Variants in ASTN1 observed in about 807,000 individuals in gnomAD.
The protein encoded by ASTN1 is astrotactin-1.
A neutral mutation model predicts 140.7 loss-of-function variants in ASTN1; 41 were observed. The observed-to-expected ratio is 0.29, with a 90% CI of 0.23 to 0.38. ASTN1 has a LOEUF of 0.38. Among genes scored for constraint, ASTN1 ranks in the 10% least tolerant of loss-of-function variants. The pLI is 1.00. For synonymous variants in ASTN1, 640 were observed against 652.2 expected (o/e 0.98, Z 0.29); for missense variants, 1,479 against 1,678.8 (o/e 0.88, Z 2.08).
intron 1 of ASTN1, among the ~76,000 whole-genome samples, chr1:177,071,310 G>A (rs1678624570): frequency 6.6e-6 from 1 of 152,204 alleles, no homozygotes; most frequent in African/African-American, 2.4e-5. Flanking sequence ...CACTTAGCAA[G>A]GCACTCATGA....
intron 17 of ASTN1, 152 bp from the exon 18 acceptor site, chr1:176,888,356 C>T (rs1669126906): frequency 3.1e-6 from 3 of 965,188 alleles, no homozygotes; most frequent in Non-Finnish European, 4.6e-6. Flanking sequence ...AATTCTGATT[C>T]CAGGAGATTG....
chr1:176,957,212 T>C (rs566870459), intron 11 of ASTN1, among the ~76,000 whole-genome samples: 2 of 152,166 alleles, frequency 1.3e-5, no homozygotes, highest in Non-Finnish European at 2.9e-5. Flanking sequence ...ACAGAGTCCA[T>C]AGGGCTGATA....
intron 19 of ASTN1, among the ~76,000 whole-genome samples, chr1:176,883,606 A>C (rs1668903286): frequency 6.6e-6 from 1 of 152,174 alleles, no homozygotes; most frequent in South Asian, 2.1e-4. Flanking sequence ...CCTTGGAAGA[A>C]GCGGTAGGCA....
At chr1:176,894,175 A>C (rs1669390705) in intron 17 of ASTN1, among the ~76,000 whole-genome samples, 1 of 151,986 alleles carries the variant, frequency 6.6e-6, no homozygotes, top group African/African-American at 2.4e-5. Flanking sequence ...TCAGCGAGGG[A>C]AGCTGGCCCA....
chr1:176,990,952 T>G (rs1674129802), intron 8 of ASTN1, among the ~76,000 whole-genome samples: 1 of 152,248 alleles, frequency 6.6e-6, no homozygotes, highest in African/African-American at 2.4e-5. Context: ...CACATCTCAT[T>G]TAAGTATGTT....
intron 16 of ASTN1, among the ~76,000 whole-genome samples, chr1:176,901,434 G>T (rs777555141): frequency 1.5e-4 from 23 of 152,118 alleles, no homozygotes; most frequent in Non-Finnish European, 3.1e-4. Context: ...GGGTATATCT[G>T]GTGTCCTGGG....
chr1:177,022,031 C>T lies in ASTN1; in HGVS notation c.1438+1373G>A, dbSNP rs148847294. ...GATGTTTAAAATGTTGTACTTTCTCCTCCATATGGGGGCCTAGAATCTCTG... is the reference window on the plus strand; with the variant it reads ...GATGTTTAAAATGTTGTACTTTCTCTTCCATATGGGGGCCTAGAATCTCTG... On this transcript the variant is annotated intron_variant, in intron 7 of 22. Coordinates refer to ENST00000361833, the MANE Select transcript of ASTN1 (RefSeq NM_004319.3). Among the ~76,000 whole-genome samples, 311 of 152,308 alleles carry T rather than the reference C, an allele frequency of 2.0e-3. 2 individuals carry two copies. The highest frequency in any genetic ancestry group is 6.9e-3 in the African/African-American group (287 of 41,566).
chr1:177,155,565 C>T (rs926488536), intron 1 of ASTN1, among the ~76,000 whole-genome samples: 1 of 152,120 alleles, frequency 6.6e-6, no homozygotes, highest in Non-Finnish European at 1.5e-5. Context: ...TAAAGTTGTT[C>T]CCCATGGTGG....
At chr1:177,003,178 A>G (rs1374496557) in intron 8 of ASTN1, among the ~76,000 whole-genome samples, 2 of 152,100 alleles carry the variant, frequency 1.3e-5, no homozygotes, top group African/African-American at 4.8e-5. Flanking sequence ...AGGAAGGGAC[A>G]TAACACACAC....
intron 16 of ASTN1, among the ~76,000 whole-genome samples, chr1:176,929,282 T>G (rs1218665609): frequency 6.6e-6 from 1 of 152,224 alleles, no homozygotes; most frequent in Non-Finnish European, 1.5e-5. Context: ...TCTTGAATTA[T>G]CTGGGTGGAC....
chr1:177,012,894 T>C (rs904493055), intron 8 of ASTN1, among the ~76,000 whole-genome samples: 3 of 152,180 alleles, frequency 2.0e-5, no homozygotes, highest in Admixed American at 6.5e-5. Context: ...GAGACAGAGA[T>C]TGGTTATCCA....
intron 7 of ASTN1, 106 bp from the exon 8 acceptor site, chr1:177,014,981 G>C (rs1675476277): frequency 1.0e-6 from 1 of 984,822 alleles, no homozygotes; most frequent in Admixed American, 2.0e-5. Context: ...CTCTTACTCT[G>C]ATATTAGCAT....
chr1:177,030,660 G>A, intron 4 of ASTN1, 146 bp downstream of exon 4: 1 of 1,083,580 alleles, frequency 9.2e-7, no homozygotes, highest in East Asian at 2.5e-5. Context: ...TTTTTGGTAA[G>A]TAGCATTTAA....
intron 16 of ASTN1, among the ~76,000 whole-genome samples, chr1:176,925,896 C>T (rs1670940615): frequency 6.6e-6 from 1 of 151,778 alleles, no homozygotes; most frequent in Admixed American, 6.6e-5. Context: ...AGCTCTGCCT[C>T]CCGGGTTCAT....
intron 1 of ASTN1, among the ~76,000 whole-genome samples, chr1:177,071,030 C>T (rs1487367673): frequency 3.3e-5 from 5 of 152,168 alleles, no homozygotes; most frequent in Non-Finnish European, 7.3e-5. Flanking sequence ...TAAATAGCTT[C>T]AGCTGCTTAA....
At chr1:177,014,725 C>T (rs1675456322) in intron 8 of ASTN1, 66 bp downstream of exon 8, 1 of 1,451,858 alleles carries the variant, frequency 6.9e-7, no homozygotes, top group Non-Finnish European at 9.6e-7. Context: ...GCAGTTGCTC[C>T]ACGTCATGTC....
At chr1:177,104,365 G>A (rs1680444244) in intron 1 of ASTN1, among the ~76,000 whole-genome samples, 1 of 152,002 alleles carries the variant, frequency 6.6e-6, no homozygotes, top group Admixed American at 6.6e-5. Context: ...ATCATCCTAT[G>A]ATTGGGTTTG....
At chr1:176,908,257 C>T (rs1388995644) in intron 16 of ASTN1, among the ~76,000 whole-genome samples, 1 of 152,140 alleles carries the variant, frequency 6.6e-6, no homozygotes, top group Non-Finnish European at 1.5e-5. Context: ...GGCAGACATA[C>T]AGACCTGGCC....
At chr1:177,163,037 G>A (rs940861349) in intron 1 of ASTN1, among the ~76,000 whole-genome samples, 4 of 152,216 alleles carry the variant, frequency 2.6e-5, no homozygotes, top group African/African-American at 9.6e-5. Flanking sequence ...AAGGGTTGGG[G>A]AGTAGGGGTT....
Sources: gnomAD v4.1 joint callset for allele counts (sites outside exome capture counted in the v4.1 genomes callset) on GRCh38, gnomAD v4.1.1 for gene constraint, MANE v1.5 for transcripts, NCBI Gene and HGNC (gene_info 2026-07-23, HGNC 2026-07-21) for gene names.